Variants in NEO1 observed in about 807,000 individuals in gnomAD.
NEO1 encodes the protein neogenin.
NEO1 carries 63 observed loss-of-function variants against 159.7 expected under a neutral mutation model. The observed-to-expected ratio is 0.39, with a 90% CI of 0.32 to 0.49. The LOEUF (loss-of-function observed/expected upper bound fraction) is 0.49, where lower values mean the gene tolerates loss of function less well. NEO1 is among the 20% of genes least tolerant of loss of function. The pLI, the probability that NEO1 is intolerant of heterozygous loss-of-function variation, is 0.85. For missense variants in NEO1, 1,615 were observed against 1,831.0 expected (o/e 0.88, Z 2.15); for synonymous variants, 633 against 662.0 (o/e 0.96, Z 0.67).
intron 8 of NEO1, among the ~76,000 whole-genome samples, chr15:73,240,822 T>A (rs929722807): frequency 2.0e-5 from 3 of 152,234 alleles, no homozygotes; most frequent in Non-Finnish European, 4.4e-5. Flanking sequence ...GTTGCTTCAT[T>A]ACTTTATGAT....
chr15:73,211,840 A>G (rs1467953678), intron 7 of NEO1, among the ~76,000 whole-genome samples: 1 of 152,228 alleles, frequency 6.6e-6, no homozygotes. Flanking sequence ...GTCTCACATT[A>G]CATTTAGTCT....
chr15:73,110,043 T>G (rs778144289), intron 1 of NEO1, among the ~76,000 whole-genome samples: 1 of 152,206 alleles, frequency 6.6e-6, no homozygotes, highest in Non-Finnish European at 1.5e-5. Context: ...ATGAATGTTG[T>G]TGAGATCTTT....
chr15:73,169,947 G>A (rs149536654), intron 5 of NEO1, among the ~76,000 whole-genome samples: 2,065 of 152,044 alleles, frequency 0.014, 20 homozygotes, highest in South Asian at 0.017. Flanking sequence ...GGAGGAAATA[G>A]GATGAGAGAA....
intron 1 of NEO1, among the ~76,000 whole-genome samples, chr15:73,090,973 C>T (rs2069657902): frequency 1.3e-5 from 2 of 152,046 alleles, no homozygotes; most frequent in African/African-American, 4.8e-5. Context: ...TACTATTATC[C>T]CAATCTTATA....
chr15:73,094,611 T>A (rs1193575022), intron 1 of NEO1, among the ~76,000 whole-genome samples: 1 of 152,240 alleles, frequency 6.6e-6, no homozygotes. Flanking sequence ...GTATACGTTT[T>A]AAGTTTCTTT....
intron 1 of NEO1, among the ~76,000 whole-genome samples, chr15:73,103,853 TA>T (rs2070534158): frequency 6.6e-6 from 1 of 152,158 alleles, no homozygotes; most frequent in Non-Finnish European, 1.5e-5. Context: ...AAAGAATGTG[TA>T]AATTATTATT....
In NEO1 at chr15:73,071,632, A is replaced by G. The variant is rs2068537099; in HGVS notation, c.130+18827A>G. 2.0e-5 allele frequency among the ~76,000 whole-genome samples: 3 copies of G among 151,986 alleles called. No individual in the cohort carries two copies. The South Asian group carries it at 6.2e-4, about 31-fold the overall frequency. ...AGCCTTGACCTTGTGGGCTGAGTTG[A>G]TTGTCCCATCTCAGCCTCTCAATGG... On this transcript the variant is annotated intron_variant, in intron 1 of 28. Transcript: ENST00000261908.
At chr15:73,177,297 C>G (rs1290487166) in intron 6 of NEO1, among the ~76,000 whole-genome samples, 1 of 152,046 alleles carries the variant, frequency 6.6e-6, no homozygotes, top group Non-Finnish European at 1.5e-5. Context: ...CTATACATGA[C>G]ATTCATAAAA....
At chr15:73,079,049 C>T (rs760618236) in intron 1 of NEO1, among the ~76,000 whole-genome samples, 4 of 152,156 alleles carry the variant, frequency 2.6e-5, no homozygotes, top group Non-Finnish European at 5.9e-5. Context: ...AGACTACTTC[C>T]TCTATTTCAA....
chr15:73,302,567 G>A (rs772897795), intron 28 of NEO1, 46 bp from the exon 29 acceptor site: 3 of 1,571,634 alleles, frequency 1.9e-6, no homozygotes, highest in Admixed American at 1.7e-5. Flanking sequence ...TCCTTTCTGA[G>A]CTGCTCCCTG....
At position 73,260,516 on chromosome 15, in the gene NEO1, T is replaced by A. The variant is rs752707676; in HGVS notation, c.2398+51T>A. 2.4e-5 allele frequency: 34 copies of A among 1,405,626 alleles called. No individual in the cohort carries two copies. The Middle Eastern group carries it at 5.7e-4, about 23-fold the overall frequency. The allele number at this position is 1,405,626 out of a possible 1,614,324, so 87.1% of individuals were successfully genotyped here. A position where few individuals can be genotyped will look rare whatever the true frequency, so the allele number is the denominator to read the frequency against. On this transcript the variant is annotated intron_variant, in intron 15 of 28. Transcript: ENST00000261908. ...AATTGTGTGGGAGATTCCTTTCTTTTTAACCTTTTATGTAATATTTTTATT... is the reference window on the plus strand; with the variant it reads ...AATTGTGTGGGAGATTCCTTTCTTTATAACCTTTTATGTAATATTTTTATT...
chr15:73,098,205 A>G (rs2070192508), intron 1 of NEO1, among the ~76,000 whole-genome samples: 1 of 152,256 alleles, frequency 6.6e-6, no homozygotes, highest in Middle Eastern at 3.4e-3. Context: ...CCTACTATGT[A>G]TAGTTTGGTT....
intron 25 of NEO1, among the ~76,000 whole-genome samples, chr15:73,291,088 A>C (rs185493060): frequency 6.6e-6 from 1 of 152,350 alleles, no homozygotes; most frequent in African/African-American, 2.4e-5. Context: ...ATGCAGGGGA[A>C]AACCATGGTT....
intron 7 of NEO1, among the ~76,000 whole-genome samples, chr15:73,228,556 G>A (rs1445979171): frequency 6.7e-6 from 1 of 149,786 alleles, no homozygotes; most frequent in African/African-American, 2.5e-5. Context: ...GTTTTTTGTT[G>A]TTGTTGTTGT....
chr15:73,209,254 C>T (rs959381092), intron 7 of NEO1, among the ~76,000 whole-genome samples: 6 of 152,234 alleles, frequency 3.9e-5, no homozygotes, highest in Non-Finnish European at 8.8e-5. Flanking sequence ...AACCTGTGTA[C>T]AGCCTGAACT....
chr15:73,212,034 A>G (rs1193256912), intron 7 of NEO1, among the ~76,000 whole-genome samples: 1 of 152,168 alleles, frequency 6.6e-6, no homozygotes, highest in Non-Finnish European at 1.5e-5. Flanking sequence ...TACCCTTTTC[A>G]ATACATTCGT....
At chr15:73,152,007 A>G (rs977098329) in intron 5 of NEO1, among the ~76,000 whole-genome samples, 2 of 152,206 alleles carry the variant, frequency 1.3e-5, no homozygotes, top group Non-Finnish European at 1.5e-5. Context: ...TGCCTATTGT[A>G]TTAGTCAGGG....
chr15:73,205,548 T>G (rs1224995834), intron 7 of NEO1, among the ~76,000 whole-genome samples: 1 of 152,216 alleles, frequency 6.6e-6, no homozygotes, highest in Non-Finnish European at 1.5e-5. Flanking sequence ...AGAAATGTAG[T>G]CACCCCTAAG....
intron 9 of NEO1, 36 bp downstream of exon 9, chr15:73,244,534 G>C (rs771069576): frequency 1.9e-6 from 3 of 1,602,274 alleles, no homozygotes; most frequent in South Asian, 1.1e-5. Context: ...ACCCCCTAGA[G>C]GTAGACCTCT....
Sources: gnomAD v4.1 joint callset for allele counts (sites outside exome capture counted in the v4.1 genomes callset) on GRCh38, gnomAD v4.1.1 for gene constraint, MANE v1.5 for transcripts, NCBI Gene and HGNC (gene_info 2026-07-23, HGNC 2026-07-21) for gene names.